The following ADAM12 variants were observed in gnomAD, a reference collection of about 807,000 sequenced individuals.
The protein encoded by ADAM12 is disintegrin and metalloproteinase domain-containing protein 12.
ADAM12 carries 70 observed loss-of-function variants against 106.4 expected under a neutral mutation model. That is an observed-to-expected ratio of 0.66 (90% CI 0.54 to 0.80). The LOEUF (loss-of-function observed/expected upper bound fraction) is 0.80, where lower values mean the gene tolerates loss of function less well. Among genes scored for constraint, ADAM12 ranks in the 30% least tolerant of loss-of-function variants. The pLI is 0.00. For synonymous variants in ADAM12, 420 were observed against 433.5 expected (o/e 0.97, Z 0.39); for missense variants, 1,010 against 1,171.9 (o/e 0.86, Z 2.02).
intron 8 of ADAM12, 27 bp from the exon 9 acceptor site, chr10:126,101,268 T>G (rs958189392): frequency 6.2e-7 from 1 of 1,606,680 alleles, no homozygotes; most frequent in African/African-American, 1.3e-5. Context: ...AAACTGGCAT[T>G]GGAGTTGGGA....
At chr10:126,029,103 T>C (rs929098070) in intron 21 of ADAM12, among the ~76,000 whole-genome samples, 2 of 152,136 alleles carry the variant, frequency 1.3e-5, no homozygotes, top group Non-Finnish European at 2.9e-5. Context: ...TAACAGATGC[T>C]AGAAAGGTTG....
chr10:126,099,342 A>G (rs186275320), intron 9 of ADAM12, among the ~76,000 whole-genome samples: 195 of 152,238 alleles, frequency 1.3e-3, no homozygotes, highest in African/African-American at 4.6e-3. Context: ...TGGTAAGTGT[A>G]TATAAAACCT....
intron 21 of ADAM12, 90 bp from the exon 22 acceptor site, chr10:126,019,915 G>C: frequency 7.0e-7 from 1 of 1,419,944 alleles, no homozygotes; most frequent in Non-Finnish European, 9.3e-7. Flanking sequence ...CACAGGCCCT[G>C]CTTCCTGAAT....
chr10:126,206,521 C>G (rs1412001956), intron 3 of ADAM12, among the ~76,000 whole-genome samples: 1 of 152,144 alleles, frequency 6.6e-6, no homozygotes, highest in Non-Finnish European at 1.5e-5. Flanking sequence ...TCTGCTGCCT[C>G]TAGAATGTGT....
chr10:126,115,089 T>A, intron 6 of ADAM12, among the ~76,000 whole-genome samples: 1 of 152,136 alleles, frequency 6.6e-6, no homozygotes, highest in Non-Finnish European at 1.5e-5. Flanking sequence ...AAACAGCACC[T>A]CCCCAACTCG....
At chr10:126,341,964 T>C (rs1854946547) in intron 1 of ADAM12, among the ~76,000 whole-genome samples, 2 of 152,242 alleles carry the variant, frequency 1.3e-5, no homozygotes, top group Non-Finnish European at 2.9e-5. Flanking sequence ...TGACTTCTAA[T>C]GTGGGTAATA....
chr10:126,330,468 T>C lies in ADAM12; in HGVS notation c.130A>G (p.Ser44Gly), dbSNP rs758376933. The C allele has an allele frequency of 8.7e-6, 14 of 1,613,946 alleles. No individual in the cohort carries two copies. Among genetic ancestry groups the C allele is most frequent in the Non-Finnish European group, 1.2e-5 (14 of 1,179,972 alleles). The change falls in exon 2 of 23, where the codon AGT becomes GGT. Residue 44 changes from serine to glycine, a missense_variant. By Grantham distance (56) the Ser-to-Gly change is moderately conservative. This residue lies in a region of ADAM12 where 391 missense variants were observed against 442.9 expected (regional missense o/e 0.88). Transcript: ENST00000448723. ...AGGTCCCCACTCCCAACAGAGGCAC[T>C]GACAACTTCATCAGCTCTTCCTTGG... The part of the protein sequence containing the change: ...WNQGRADEVV[S>G]ASVGSGDLWI...
intron 14 of ADAM12, among the ~76,000 whole-genome samples, chr10:126,055,168 T>A (rs1954601936): frequency 6.6e-6 from 1 of 152,180 alleles, no homozygotes; most frequent in African/African-American, 2.4e-5. Flanking sequence ...ACCCATCCCC[T>A]TACTCCTTTC....
intron 1 of ADAM12, among the ~76,000 whole-genome samples, chr10:126,332,682 C>T (rs566188350): frequency 2.6e-5 from 4 of 152,192 alleles, no homozygotes; most frequent in East Asian, 1.9e-4. Flanking sequence ...CATATAGCCA[C>T]GAGGATCGAC....
chr10:126,085,381 C>G (rs1278500608), intron 11 of ADAM12, among the ~76,000 whole-genome samples: 7 of 152,210 alleles, frequency 4.6e-5, no homozygotes, highest in African/African-American at 9.7e-5. Context: ...AGCGTTCTCC[C>G]CAGAGATTTT....
At chr10:126,115,309 A>C (rs1378940585) in intron 6 of ADAM12, among the ~76,000 whole-genome samples, 7 of 152,204 alleles carry the variant, frequency 4.6e-5, no homozygotes, top group Non-Finnish European at 8.8e-5. Context: ...TGCCTTGCTC[A>C]GAGCTTGCTT....
At chr10:126,254,001 T>C (rs1329328732) in intron 3 of ADAM12, among the ~76,000 whole-genome samples, 1 of 152,190 alleles carries the variant, frequency 6.6e-6, no homozygotes, top group African/African-American at 2.4e-5. Context: ...CCCAGCCCAG[T>C]GCTATCTTCA....
At chr10:126,230,554 C>T (rs78876759) in intron 3 of ADAM12, among the ~76,000 whole-genome samples, 11,224 of 152,284 alleles carry the variant, frequency 0.074, 498 homozygotes, top group East Asian at 0.13. Flanking sequence ...GAAACTCCAT[C>T]AACACCGAAT....
chr10:126,256,219 A>G (rs1421038092), intron 3 of ADAM12, among the ~76,000 whole-genome samples: 1 of 152,222 alleles, frequency 6.6e-6, no homozygotes, highest in Admixed American at 6.5e-5. Context: ...AGATCTACCA[A>G]TCACATTGTA....
intron 3 of ADAM12, among the ~76,000 whole-genome samples, chr10:126,267,150 G>C (rs1959112637): frequency 6.6e-6 from 1 of 152,176 alleles, no homozygotes; most frequent in South Asian, 2.1e-4. Flanking sequence ...TACGGAAGCA[G>C]CTCTAGAAAG....
intron 4 of ADAM12, among the ~76,000 whole-genome samples, chr10:126,138,924 C>T (rs1280595033): frequency 1.3e-5 from 2 of 151,946 alleles, no homozygotes; most frequent in African/African-American, 4.8e-5. Flanking sequence ...CTTCATTCTT[C>T]GGCATGTGGA....
chr10:126,081,817 T>C (rs1329088609), intron 11 of ADAM12, among the ~76,000 whole-genome samples: 2 of 152,234 alleles, frequency 1.3e-5, no homozygotes, highest in Non-Finnish European at 2.9e-5. Flanking sequence ...CTTTCTCCCA[T>C]TGGGAGTTGC....
intron 14 of ADAM12, among the ~76,000 whole-genome samples, chr10:126,050,581 C>A (rs1356949789): frequency 6.6e-6 from 1 of 152,226 alleles, no homozygotes; most frequent in African/African-American, 2.4e-5. Flanking sequence ...CAGAGCCTCA[C>A]TCTGACTCCT....
At chr10:126,324,443 C>A (rs2133840516) in intron 2 of ADAM12, among the ~76,000 whole-genome samples, 1 of 152,304 alleles carries the variant, frequency 6.6e-6, no homozygotes, top group Admixed American at 6.5e-5. Flanking sequence ...ATGGCCCAGG[C>A]TACCCAGTCC....
Sources: gnomAD v4.1 joint callset for allele counts (sites outside exome capture counted in the v4.1 genomes callset) on GRCh38, gnomAD v4.1.1 for gene constraint, gnomAD v4.1.1 regional missense constraint, MANE v1.5 for transcripts, NCBI Gene and HGNC (gene_info 2026-07-23, HGNC 2026-07-21) for gene names.